ATRNL1: variants seen among roughly 807,000 people sequenced by gnomAD.
ATRNL1 encodes the protein attractin like 1.
Under a neutral mutation model 182.7 loss-of-function variants are expected in ATRNL1, and 95 were observed. The ratio of observed to expected loss-of-function variants is 0.52; its 90% CI spans 0.44 to 0.62. The LOEUF is 0.62. Among genes scored for constraint, ATRNL1 ranks in the 20% least tolerant of loss-of-function variants. ATRNL1 has a pLI of 0.00. For missense variants in ATRNL1, 1,471 were observed against 1,679.5 expected, an observed-to-expected ratio of 0.88 and a Z score of 2.17; for synonymous variants, 576 against 568.3, an observed-to-expected ratio of 1.01 and a Z score of -0.19.
chr10:115,580,243 GT>G (rs1163027797), intron 26 of ATRNL1, among the ~76,000 whole-genome samples: 4 of 152,022 alleles, frequency 2.6e-5, no homozygotes, highest in Non-Finnish European at 5.9e-5. Flanking sequence ...GCATCCTGCT[GT>G]TTCAACTTCA....
chr10:115,627,926 C>G (rs1858211354), intron 26 of ATRNL1, among the ~76,000 whole-genome samples: 1 of 151,976 alleles, frequency 6.6e-6, no homozygotes, highest in Admixed American at 6.5e-5. Context: ...GCGGGCAGAT[C>G]ACAAGGTCAG....
At chr10:115,488,639 C>T (rs576574702) in intron 24 of ATRNL1, among the ~76,000 whole-genome samples, 4 of 151,930 alleles carry the variant, frequency 2.6e-5, no homozygotes, top group Non-Finnish European at 4.4e-5. Context: ...GGCTGGCTAG[C>T]GGTCTATGTA....
chr10:115,719,076 A>G (rs782757534), intron 26 of ATRNL1, among the ~76,000 whole-genome samples: 1 of 152,198 alleles, frequency 6.6e-6, no homozygotes, highest in Non-Finnish European at 1.5e-5. Flanking sequence ...TTTTCTACAA[A>G]TAGGCTTTTA....
At chr10:115,459,009 G>A (rs1478488227) in intron 21 of ATRNL1, among the ~76,000 whole-genome samples, 4 of 152,038 alleles carry the variant, frequency 2.6e-5, no homozygotes, top group Admixed American at 6.6e-5. Flanking sequence ...TAATACTTTT[G>A]TAATTTCTTA....
intron 27 of ATRNL1, among the ~76,000 whole-genome samples, chr10:115,821,531 T>C (rs1950297722): frequency 6.6e-6 from 1 of 152,116 alleles, no homozygotes; most frequent in South Asian, 2.1e-4. Context: ...GTATGCTGTA[T>C]TCAGGAGACC....
rs185720550 is a variant in ATRNL1, at chr10:115,600,790, C to T, written c.3795+51254C>T. 1.6e-3 allele frequency among the ~76,000 whole-genome samples: 245 copies of T among 151,900 alleles called. 1 individual carries two copies. Among genetic ancestry groups the T allele is most frequent in the Admixed American group, 2.2e-3 (33 of 15,260 alleles). On this transcript the variant is annotated intron_variant, in intron 26 of 28. Coordinates refer to ENST00000355044, the MANE Select transcript of ATRNL1 (RefSeq NM_207303.4). Reference sequence around the variant, plus strand: ...GTTTTCTTTGTTCTACTTAAGGAAACGTCCATTTGATGGTTACAAAAATGT... The same window carrying T: ...GTTTTCTTTGTTCTACTTAAGGAAATGTCCATTTGATGGTTACAAAAATGT...
At chr10:115,804,910 T>A (rs1338807204) in intron 27 of ATRNL1, among the ~76,000 whole-genome samples, 5 of 152,208 alleles carry the variant, frequency 3.3e-5, no homozygotes, top group Non-Finnish European at 7.3e-5. Context: ...TAAGTTATAG[T>A]TTAGTCTATA....
intron 26 of ATRNL1, among the ~76,000 whole-genome samples, chr10:115,694,247 ATTGG>A (rs1555049089): frequency 6.6e-6 from 1 of 151,506 alleles, no homozygotes; most frequent in African/African-American, 2.4e-5. Flanking sequence ...CTGTCTCATG[ATTGG>A]TTGTGTTTAC....
At chr10:115,636,938 G>A (rs1555028370) in intron 26 of ATRNL1, among the ~76,000 whole-genome samples, 2 of 152,142 alleles carry the variant, frequency 1.3e-5, no homozygotes, top group South Asian at 4.2e-4. Context: ...TGCATACACA[G>A]CAATGGTCCC....
At chr10:115,577,130 G>C in intron 26 of ATRNL1, among the ~76,000 whole-genome samples, 1 of 151,362 alleles carries the variant, frequency 6.6e-6, no homozygotes, top group East Asian at 1.9e-4. Context: ...AATTACTCTG[G>C]TTTTGTAATA....
At chr10:115,800,839 C>T (rs567535352) in intron 27 of ATRNL1, among the ~76,000 whole-genome samples, 49 of 152,120 alleles carry the variant, frequency 3.2e-4, no homozygotes, top group Middle Eastern at 3.4e-3. Context: ...CACACAGGTT[C>T]CCTGATCTAG....
chr10:115,107,836 G>A lies in ATRNL1; in HGVS notation c.294-12349G>A, dbSNP rs1222676305. Among the ~76,000 whole-genome samples the A allele has an allele frequency of 2.6e-5, 4 of 152,220 alleles. No homozygotes were observed. In the East Asian group the frequency reaches 7.7e-4, roughly 29 times the overall value. On this transcript the variant is annotated intron_variant, in intron 1 of 28. Transcript: ENST00000355044. The stretch of plus-strand genomic sequence containing the variant: ...ACCCTGGTTTGCTTGAACAGTGACT[G>A]GGGAGGCTAAGGGAAGCTGTGCCAG...
chr10:115,932,791 CTAGTTGA>C (rs782182025), intron 28 of ATRNL1, among the ~76,000 whole-genome samples: 1 of 152,026 alleles, frequency 6.6e-6, no homozygotes, highest in Non-Finnish European at 1.5e-5. Context: ...TCATTTTTTT[CTAGTTGA>C]TAGCTTGTCT....
At chr10:115,904,824 C>G (rs920155353) in intron 28 of ATRNL1, among the ~76,000 whole-genome samples, 1 of 152,190 alleles carries the variant, frequency 6.6e-6, no homozygotes, top group Non-Finnish European at 1.5e-5. Context: ...AACATAAAGT[C>G]TGCAATCAGA....
intron 28 of ATRNL1, among the ~76,000 whole-genome samples, chr10:115,874,013 ATTGGTATCCAGAAATGGCACCACCAC>A (rs1951643170): frequency 6.6e-6 from 1 of 152,194 alleles, no homozygotes; most frequent in Non-Finnish European, 1.5e-5. Flanking sequence ...GAGGATCAAA[ATTGGTATCCAGAAATGGCACCACCAC>A]TCTCCCCTCT....
chr10:115,875,480 C>T (rs1398835062), intron 28 of ATRNL1, among the ~76,000 whole-genome samples: 6 of 152,068 alleles, frequency 3.9e-5, no homozygotes, highest in African/African-American at 4.8e-5. Flanking sequence ...TTTCTAAGAA[C>T]GGGAAGGGGA....
chr10:115,317,235 G>A (rs1407323965), intron 18 of ATRNL1, among the ~76,000 whole-genome samples: 30 of 152,094 alleles, frequency 2.0e-4, no homozygotes, highest in African/African-American at 7.0e-4. Flanking sequence ...TAGATGTGTG[G>A]TGTTATTTCT....
At chr10:115,490,414 T>G (rs1220915350) in intron 24 of ATRNL1, among the ~76,000 whole-genome samples, 1 of 152,118 alleles carries the variant, frequency 6.6e-6, no homozygotes, top group Non-Finnish European at 1.5e-5. Flanking sequence ...CTTGGAGGCT[T>G]TGTTTCTTTT....
chr10:115,237,321 A>T (rs1850228396), intron 9 of ATRNL1, among the ~76,000 whole-genome samples: 1 of 152,180 alleles, frequency 6.6e-6, no homozygotes, highest in African/African-American at 2.4e-5. Flanking sequence ...GAAACTGCCA[A>T]AGTGGCTGGC....
Sources: allele counts gnomAD v4.1 joint callset (sites outside exome capture counted in the v4.1 genomes callset), GRCh38; gene constraint gnomAD v4.1.1; transcripts MANE v1.5; gene names NCBI Gene and HGNC (gene_info 2026-07-23, HGNC 2026-07-21).